The following MACROH2A1 variants were observed in gnomAD, a reference collection of about 807,000 sequenced individuals.
MACROH2A1 encodes macroH2A.1 histone, also known as core histone macro-H2A.1.
MACROH2A1 carries 2 observed loss-of-function variants against 31.6 expected under a neutral mutation model. That is an observed-to-expected ratio of 0.06 (90% CI 0.03 to 0.20). The LOEUF (loss-of-function observed/expected upper bound fraction) is 0.20. MACROH2A1 is among the 10% of genes least tolerant of loss of function. The pLI, the probability that MACROH2A1 is intolerant of heterozygous loss-of-function variation, is 1.00. For synonymous variants in MACROH2A1, 169 were observed against 189.6 expected (o/e 0.89, Z 0.89); for missense variants, 230 against 474.0 (o/e 0.49, Z 4.78).
chr5:135,380,617 C>T (rs756740111), intron 2 of MACROH2A1, among the ~76,000 whole-genome samples: 2 of 152,248 alleles, frequency 1.3e-5, no homozygotes, highest in South Asian at 2.1e-4. Context: ...ATGTCAGCCT[C>T]GAGGTTAGCT....
At chr5:135,373,642 T>C (rs992435856) in intron 2 of MACROH2A1, among the ~76,000 whole-genome samples, 4 of 152,198 alleles carry the variant, frequency 2.6e-5, no homozygotes, top group Non-Finnish European at 4.4e-5. Context: ...GAGGAGCATC[T>C]CAGCTCCTTA....
chr5:135,355,202 T>C (rs904485869), intron 5 of MACROH2A1: 5 of 455,940 alleles, frequency 1.1e-5, no homozygotes, highest in Non-Finnish European at 1.3e-5. Flanking sequence ...TGGGATTCTC[T>C]GGGGGAAACT....
At chr5:135,370,422 T>A (rs892813021) in intron 2 of MACROH2A1, among the ~76,000 whole-genome samples, 1 of 152,210 alleles carries the variant, frequency 6.6e-6, no homozygotes, top group African/African-American at 2.4e-5. Flanking sequence ...GTGGGAGGGC[T>A]GAGATCTGAA....
intron 4 of MACROH2A1, chr5:135,362,286 G>A (rs1335062727): frequency 2.0e-5 from 3 of 152,154 alleles, no homozygotes; most frequent in Admixed American, 2.0e-4. Flanking sequence ...TGTGTACCAC[G>A]GTTATGTGAG....
At chr5:135,366,949 G>C (rs554810113) in intron 4 of MACROH2A1, among the ~76,000 whole-genome samples, 19 of 152,152 alleles carry the variant, frequency 1.2e-4, no homozygotes, top group Non-Finnish European at 2.5e-4. Flanking sequence ...CCAGCCCCTG[G>C]TGCAGTTTGT....
At chr5:135,375,125 A>G (rs2149875157) in intron 2 of MACROH2A1, among the ~76,000 whole-genome samples, 1 of 152,270 alleles carries the variant, frequency 6.6e-6, no homozygotes, top group Middle Eastern at 3.4e-3. Context: ...CTCTTCTAAG[A>G]TTTTTGTTTT....
At chr5:135,374,380 A>G (rs544477956) in intron 2 of MACROH2A1, among the ~76,000 whole-genome samples, 2 of 152,200 alleles carry the variant, frequency 1.3e-5, no homozygotes, top group East Asian at 3.9e-4. Flanking sequence ...ACCAAAGGAG[A>G]TGTCCTGATG....
intron 2 of MACROH2A1, among the ~76,000 whole-genome samples, chr5:135,375,825 CA>C (rs1764791200): frequency 6.6e-6 from 1 of 152,218 alleles, no homozygotes; most frequent in Admixed American, 6.5e-5. Flanking sequence ...TTCGATTCAT[CA>C]TCCTTCCATC....
chr5:135,375,731 A>C (rs1034498927), intron 2 of MACROH2A1, among the ~76,000 whole-genome samples: 1 of 152,218 alleles, frequency 6.6e-6, no homozygotes, highest in African/African-American at 2.4e-5. Context: ...ATCAAAGAAA[A>C]GCAAATGTTC....
chr5:135,382,266 G>C (rs1232503465), intron 2 of MACROH2A1, among the ~76,000 whole-genome samples: 1 of 152,212 alleles, frequency 6.6e-6, no homozygotes, highest in African/African-American at 2.4e-5. Flanking sequence ...CGTGGAACTT[G>C]TCTACCTATC....
At chr5:135,387,030 G>A (rs980900294) in intron 2 of MACROH2A1, among the ~76,000 whole-genome samples, 2 of 152,210 alleles carry the variant, frequency 1.3e-5, no homozygotes, top group African/African-American at 4.8e-5. Flanking sequence ...CTCCATTTGA[G>A]TTGTAAGGAA....
At chr5:135,374,596 G>A (rs958754026) in intron 2 of MACROH2A1, among the ~76,000 whole-genome samples, 2 of 152,194 alleles carry the variant, frequency 1.3e-5, no homozygotes, top group Non-Finnish European at 2.9e-5. Flanking sequence ...GAATGGAGCC[G>A]ATGCCTTCCT....
chr5:135,378,408 C>T (rs566363109), intron 2 of MACROH2A1, among the ~76,000 whole-genome samples: 2 of 152,340 alleles, frequency 1.3e-5, no homozygotes, highest in South Asian at 4.1e-4. Flanking sequence ...GGCTGCCTAT[C>T]CTTCAAGGCC....
At chr5:135,344,504 A>G (rs1760501085) in intron 7 of MACROH2A1, 1 of 152,078 alleles carries the variant, frequency 6.6e-6, no homozygotes, top group Non-Finnish European at 1.5e-5. Context: ...ACAGGGTGTG[A>G]ATTTGAGTCC....
chr5:135,382,023 T>C (rs911511770), intron 2 of MACROH2A1, among the ~76,000 whole-genome samples: 9 of 152,226 alleles, frequency 5.9e-5, no homozygotes, highest in Admixed American at 1.3e-4. Context: ...GAGGATATAC[T>C]TCAATAAGAA....
intron 4 of MACROH2A1, among the ~76,000 whole-genome samples, chr5:135,365,272 G>A (rs1486434490): frequency 6.6e-6 from 1 of 152,162 alleles, no homozygotes; most frequent in Non-Finnish European, 1.5e-5. Flanking sequence ...CCACAGGCAA[G>A]TCCTATCACG....
intron 6 of MACROH2A1, among the ~76,000 whole-genome samples, chr5:135,349,479 TC>T (rs1761251054): frequency 6.6e-6 from 1 of 152,160 alleles, no homozygotes; most frequent in South Asian, 2.1e-4. Flanking sequence ...ATCCAGTTTG[TC>T]TTTCCATCCA....
intron 5 of MACROH2A1, chr5:135,354,908 G>C (rs1761990758): frequency 2.7e-6 from 1 of 369,610 alleles, no homozygotes; most frequent in Admixed American, 3.4e-5. Context: ...GGTTGGTGAG[G>C]AAGGCAGGCA....
At chr5:135,374,825 G>A (rs529137518) in intron 2 of MACROH2A1, among the ~76,000 whole-genome samples, 2 of 152,296 alleles carry the variant, frequency 1.3e-5, no homozygotes, top group South Asian at 4.1e-4. Context: ...GCCACAGCCT[G>A]GAGGCTGTAA....
Sources: gnomAD v4.1 joint callset for allele counts (sites outside exome capture counted in the v4.1 genomes callset) on GRCh38, gnomAD v4.1.1 for gene constraint, MANE v1.5 for transcripts, NCBI Gene and HGNC (gene_info 2026-07-23, HGNC 2026-07-21) for gene names.